YWHAH: variants seen among roughly 807,000 people sequenced by gnomAD.
The protein encoded by YWHAH is 14-3-3 protein eta.
Under a neutral mutation model 22.9 loss-of-function variants are expected in YWHAH, and 6 were observed. That is an observed-to-expected ratio of 0.26 (90% confidence interval 0.14 to 0.52). The LOEUF (loss-of-function observed/expected upper bound fraction) is 0.52, where lower values mean the gene tolerates loss of function less well. Ranked by LOEUF, YWHAH falls within the 20% of genes least tolerant of loss-of-function variation. YWHAH has a pLI of 0.97. For missense variants in YWHAH, 173 were observed against 308.6 expected (o/e 0.56, Z 3.29); for synonymous variants, 135 against 124.5 (o/e 1.08, Z -0.56).
chr22:31,953,691 T>A (rs1294964401), intron 1 of YWHAH, among the ~76,000 whole-genome samples: 1 of 151,878 alleles, frequency 6.6e-6, no homozygotes, highest in Non-Finnish European at 1.5e-5. Flanking sequence ...CAGTGAGAGG[T>A]ATGGAGACTA....
chr22:31,952,380 T>C (rs1387816737), intron 1 of YWHAH, among the ~76,000 whole-genome samples: 1 of 152,196 alleles, frequency 6.6e-6, no homozygotes, highest in Non-Finnish European at 1.5e-5. Flanking sequence ...AGATTGGCTA[T>C]CCATCTTTTT....
In YWHAH at chr22:31,945,016, G is replaced by T. The variant is rs13055805; in HGVS notation, c.87+196G>T. The T allele has an allele frequency of 1.5e-5, 17 of 1,117,268 alleles. No homozygotes were observed. In the African/African-American group the frequency reaches 1.6e-4, roughly 11 times the overall value. The allele number at this position is 1,117,268 out of a possible 1,614,324, so 69.2% of individuals were successfully genotyped here. A position where few individuals can be genotyped will look rare whatever the true frequency, so the allele number is the denominator to read the frequency against. On this transcript the variant is annotated intron_variant, in intron 1 of 1. Transcript: ENST00000248975. ...GCCACTTCCTGAGGCTGGGCCCAGG[G>T]TGGGGGATCCGGGAGGGTGCAGTTC... is the stretch of plus-strand genomic sequence containing the variant.
At chr22:31,945,693 C>T (rs2093833278) in intron 1 of YWHAH, 2 of 1,243,616 alleles carry the variant, frequency 1.6e-6, no homozygotes, top group Admixed American at 2.5e-5. Context: ...ATGAATATTT[C>T]CTCTCCCTGC....
intron 1 of YWHAH, chr22:31,950,383 G>A (rs772681878): frequency 2.2e-5 from 17 of 779,272 alleles, no homozygotes; most frequent in Admixed American, 1.0e-4. Flanking sequence ...TGCTCCTCCC[G>A]CCCCTACTCC....
chr22:31,956,277 G>C lies in YWHAH; in HGVS notation c.226G>C (p.Glu76Gln). 6.2e-7 allele frequency: 1 copy of C among 1,614,160 alleles called. No homozygotes were observed. Among genetic ancestry groups the C allele is most frequent in the Non-Finnish European group, 8.5e-7 (1 of 1,180,036 alleles). Residue 76 changes from glutamate (E) to glutamine (Q), a missense_variant, in exon 2 of 2, where the codon GAA (glutamate) becomes CAA (glutamine). Physicochemically the swap from Glu to Gln is conservative, Grantham distance 29. Coordinates refer to ENST00000248975, the MANE Select transcript of YWHAH (RefSeq NM_003405.4). The surrounding 1 kb of genome is among the most constrained non-coding windows in gnomAD (Gnocchi z 5.1). ...IEQKTMADGN[E>Q]KKLEKVKAYR... is the part of the protein sequence containing the mutation. ...GCAGAAAACCATGGCTGATGGAAAC[G>C]AAAAGAAATTGGAGAAAGTTAAAGC...
Position 31,944,711 on chromosome 22 carries a change from G to A in YWHAH, c.-23G>A. The A allele has an allele frequency of 1.5e-6, 2 of 1,375,850 alleles. No individual in the cohort carries two copies. The highest frequency in any genetic ancestry group is 2.9e-5 in the South Asian group (2 of 68,282). 85.2% of individuals were successfully genotyped at this position (1,375,850 alleles called of 1,614,324 possible). A position where few individuals can be genotyped will look rare whatever the true frequency, so the allele number is the denominator to read the frequency against. On this transcript the variant is annotated 5_prime_UTR_variant, in exon 1 of 2. Transcript: ENST00000248975. ...AGCGAGCCAGCGGTGTGAGGCGCGA[G>A]GCGAGGCCGAGCCGCGAGCGACATG...
At chr22:31,945,326 T>C in intron 1 of YWHAH, 1 of 1,226,110 alleles carries the variant, frequency 8.2e-7, no homozygotes, top group Non-Finnish European at 1.0e-6. Context: ...CGAATTGTTC[T>C]GGTTCCATCT....
rs543401142 is a variant in YWHAH, at chr22:31,945,049, C to T, written c.87+229C>T. 5.7e-3 allele frequency: 6,381 copies of T among 1,111,320 alleles called. 17 individuals carry two copies. Among genetic ancestry groups the T allele is most frequent in the Non-Finnish European group, 6.4e-3 (5,869 of 910,898 alleles). The allele number at this position is 1,111,320 out of a possible 1,614,324, so 68.8% of individuals were successfully genotyped here. The stretch of plus-strand genomic sequence containing the variant: ...TCCGGGAGGGTGCAGTTCGGGATCG[C>T]GAAGGCAGCCCCGGAAGGGGGGCGG... On this transcript the variant is annotated intron_variant, in intron 1 of 1. Coordinates refer to ENST00000248975, the MANE Select transcript of YWHAH (RefSeq NM_003405.4).
chr22:31,947,078 CTTAATG>C (rs1393484373), intron 1 of YWHAH, among the ~76,000 whole-genome samples: 2 of 152,166 alleles, frequency 1.3e-5, no homozygotes, highest in Non-Finnish European at 2.9e-5. Flanking sequence ...AGATTAAATT[CTTAATG>C]TTACTGGGAT....
In YWHAH at chr22:31,944,661, G is replaced by C. The variant is rs2093830462; in HGVS notation, c.-73G>C. ...GGCGGCGGCCTCCGCAGCGACCGGG[G>C]AGCGGACTGACCGGCGGGAGGGCTA... is the stretch of plus-strand genomic sequence containing the variant. On this transcript the variant is annotated 5_prime_UTR_variant, in exon 1 of 2. Coordinates refer to ENST00000248975, the MANE Select transcript of YWHAH (RefSeq NM_003405.4). The C allele has an allele frequency of 8.5e-7, 1 of 1,177,568 alleles. No individual in the cohort carries two copies. The highest frequency in any genetic ancestry group is 1.1e-6 in the Non-Finnish European group (1 of 935,708). The allele number at this position is 1,177,568 out of a possible 1,614,324, so 72.9% of individuals were successfully genotyped here.
intron 1 of YWHAH, chr22:31,945,478 T>TAAAATG (rs1230920083): frequency 1.5e-6 from 2 of 1,303,974 alleles, no homozygotes; most frequent in Non-Finnish European, 2.0e-6. Flanking sequence ...GCTTGGAGAT[T>TAAAATG]AAAATGAAAC....
chr22:31,955,439 C>CT (rs60830862), intron 1 of YWHAH, among the ~76,000 whole-genome samples: 3,077 of 126,724 alleles, frequency 0.024, 157 homozygotes, highest in East Asian at 0.2. Flanking sequence ...TTCAGAGTAT[C>CT]TTTTTTTTTT....
At chr22:31,952,542 A>G (rs908944065) in intron 1 of YWHAH, among the ~76,000 whole-genome samples, 1 of 152,204 alleles carries the variant, frequency 6.6e-6, no homozygotes, top group Admixed American at 6.5e-5. Flanking sequence ...ATTAAAAAAT[A>G]CTGTATTTAA....
intron 1 of YWHAH, among the ~76,000 whole-genome samples, chr22:31,946,461 G>A (rs1014288826): frequency 6.6e-6 from 1 of 152,148 alleles, no homozygotes; most frequent in Non-Finnish European, 1.5e-5. Context: ...GTGGTGCTGG[G>A]ATTATGCAGG....
rs148886570 is a variant in YWHAH at position 31,952,089 on chromosome 22, C to T, written c.88-4050C>T. On this transcript the variant is annotated intron_variant, in intron 1 of 1. Coordinates refer to ENST00000248975, the MANE Select transcript of YWHAH (RefSeq NM_003405.4). ...GACTGTTGTAATCTTGGTGTTAGAG[C>T]GGAAAGAGGCTGAAAACTATTGTCT... 6.7e-3 allele frequency among the ~76,000 whole-genome samples: 1,013 copies of T among 152,208 alleles called. 20 individuals are homozygous for T. The highest frequency in any genetic ancestry group is 7.6e-3 in the Non-Finnish European group (520 of 68,020).
At chr22:31,952,924 TTATTTTACTTTGGATGTCCAAAAAGG>T (rs1403209986) in intron 1 of YWHAH, among the ~76,000 whole-genome samples, 2 of 152,232 alleles carry the variant, frequency 1.3e-5, no homozygotes, top group Non-Finnish European at 2.9e-5. Flanking sequence ...CTAATCCTGC[TTATTTTACTTTGGATGTCCAAAAAGG>T]TTGTGATTTG....
intron 1 of YWHAH, among the ~76,000 whole-genome samples, chr22:31,951,454 A>G (rs1433529878): frequency 6.6e-6 from 1 of 152,164 alleles, no homozygotes; most frequent in Admixed American, 6.5e-5. Context: ...TTAGGCAGCT[A>G]TGGCCTGGCA....
In YWHAH at chr22:31,948,034, CGTTT is replaced by C. The variant is rs201864525; in HGVS notation, c.87+3215_87+3218del. Among the ~76,000 whole-genome samples, 863 of 152,212 alleles carry C rather than the reference CGTTT, an allele frequency of 5.7e-3. 8 individuals carry two copies. Among genetic ancestry groups the C allele is most frequent in the African/African-American group, 0.019 (794 of 41,524 alleles). On this transcript the variant is annotated intron_variant, in intron 1 of 1. Coordinates refer to ENST00000248975, the MANE Select transcript of YWHAH (RefSeq NM_003405.4). ...TGTTGACAGAAAACGGGCAGAAACA[CGTTT>C]AAAGTACCTGCAGAATATATATATA...
chr22:31,953,104 A>G (rs553788533), intron 1 of YWHAH, among the ~76,000 whole-genome samples: 1 of 152,348 alleles, frequency 6.6e-6, no homozygotes, highest in Admixed American at 6.5e-5. Flanking sequence ...TACTCTGGGA[A>G]GTTACCTTGG....
Sources: gnomAD v4.1 joint callset for allele counts (sites outside exome capture counted in the v4.1 genomes callset) on GRCh38, gnomAD v4.1.1 for gene constraint, Gnocchi (gnomAD v3.1) non-coding constraint, MANE v1.5 for transcripts, NCBI Gene and HGNC (gene_info 2026-07-23, HGNC 2026-07-21) for gene names.